The following A1CF variants were observed in gnomAD, a reference collection of about 807,000 sequenced individuals.
The protein encoded by A1CF is APOBEC-1 stimulating protein.
A1CF carries 48 observed loss-of-function variants against 68.9 expected under a neutral mutation model. The observed-to-expected ratio is 0.70, with a 90% CI of 0.55 to 0.89. The LOEUF (loss-of-function observed/expected upper bound fraction) is 0.89. Among genes scored for constraint, A1CF ranks in the 40% least tolerant of loss-of-function variants. A1CF has a pLI of 0.00. For missense variants in A1CF, 653 were observed against 718.9 expected (o/e 0.91, Z 1.05); for synonymous variants, 272 against 260.4 (o/e 1.04, Z -0.43).
At chr10:50,860,673 A>G (rs1034537990) in intron 2 of A1CF, among the ~76,000 whole-genome samples, 4 of 152,240 alleles carry the variant, frequency 2.6e-5, no homozygotes, top group African/African-American at 9.6e-5. Flanking sequence ...GAAAGTTTAC[A>G]TATGTTCACG....
In A1CF at chr10:50,806,724, C is replaced by A; in HGVS notation, c.*5G>T. 1 of 1,566,006 alleles carries A rather than the reference C, an allele frequency of 6.4e-7. No individual in the cohort carries two copies. Among genetic ancestry groups the A allele is most frequent in the Non-Finnish European group, 8.6e-7 (1 of 1,162,166 alleles). On this transcript the variant is annotated 3_prime_UTR_variant, in exon 13 of 13. Coordinates refer to ENST00000373997, the MANE Select transcript of A1CF (RefSeq NM_014576.4). ...TGTCTTATTCTTAAATTTAAAAAAG[C>A]ATCTTCAGAAGGTGCCATATCCATC...
At chr10:50,840,866 TCA>T (rs1839742311) in intron 5 of A1CF, among the ~76,000 whole-genome samples, 1 of 152,176 alleles carries the variant, frequency 6.6e-6, no homozygotes, top group African/African-American at 2.4e-5. Context: ...ACTAACAAGT[TCA>T]CAGATACTCG....
At chr10:50,837,026 G>A (rs1205733014) in intron 5 of A1CF, among the ~76,000 whole-genome samples, 1 of 152,024 alleles carries the variant, frequency 6.6e-6, no homozygotes, top group Non-Finnish European at 1.5e-5. Flanking sequence ...GCAGTCGCTT[G>A]AGTTTGCAAC....
At position 50,800,814 on chromosome 10, in the gene A1CF, C is replaced by T. The variant is rs1837569192; in HGVS notation, c.*5915G>A. ...TATATGACGTGATGTGAGGATTTTT[C>T]GTGAAGAATGGTTGATGAACAATCA... is the stretch of plus-strand genomic sequence containing the variant. On this transcript the variant is annotated 3_prime_UTR_variant, in exon 13 of 13. Coordinates refer to ENST00000373997, the MANE Select transcript of A1CF (RefSeq NM_014576.4). 1 of 151,890 alleles carries T rather than the reference C, an allele frequency of 6.6e-6. No individual in the cohort carries two copies. Among genetic ancestry groups the T allele is most frequent in the African/African-American group, 2.4e-5 (1 of 41,336 alleles). The allele number at this position is 151,890 out of a possible 1,614,324, so 9.4% of individuals were successfully genotyped here.
intron 6 of A1CF, among the ~76,000 whole-genome samples, chr10:50,832,864 T>G (rs1839314217): frequency 6.6e-6 from 1 of 151,120 alleles, no homozygotes; most frequent in Non-Finnish European, 1.5e-5. Flanking sequence ...GGTTAGGTAC[T>G]ATGTTTTTTT....
At chr10:50,848,694 TAA>T (rs1840105145) in intron 3 of A1CF, among the ~76,000 whole-genome samples, 1 of 152,188 alleles carries the variant, frequency 6.6e-6, no homozygotes, top group African/African-American at 2.4e-5. Context: ...CCCCTCTCTC[TAA>T]GAGGGAAGAA....
At chr10:50,867,029 T>C (rs866020230) in intron 1 of A1CF, among the ~76,000 whole-genome samples, 3 of 151,272 alleles carry the variant, frequency 2.0e-5, no homozygotes, top group Non-Finnish European at 2.9e-5. Context: ...TTTTTTTTTT[T>C]CTTAATGTCT....
rs145183313 is a variant in A1CF at position 50,864,679 on chromosome 10, C to T, written c.-93-599G>A. Among the ~76,000 whole-genome samples, 1,433 of 152,182 alleles carry T rather than the reference C, an allele frequency of 9.4e-3. 30 individuals are homozygous for T. Among genetic ancestry groups the T allele is most frequent in the African/African-American group, 0.033 (1,358 of 41,520 alleles). On this transcript the variant is annotated intron_variant, in intron 1 of 12. Transcript: ENST00000373997. ...TGTTGCCCAGGCTGGAGTGCAATGG[C>T]ATGATCTCAGCTCACCGCAACCTCC...
At chr10:50,884,912 C>A (rs910826056) in intron 1 of A1CF, among the ~76,000 whole-genome samples, 4 of 152,160 alleles carry the variant, frequency 2.6e-5, no homozygotes, top group African/African-American at 9.7e-5. Flanking sequence ...CACCTCAGCA[C>A]AGTTGCCCAA....
intron 6 of A1CF, 100 bp from the exon 7 acceptor site, chr10:50,828,395 G>A: frequency 2.1e-6 from 2 of 944,478 alleles, no homozygotes; most frequent in South Asian, 5.4e-5. Context: ...GACCCTTGAG[G>A]TCTTGAATGA....
chr10:50,815,865 AT>A (rs1838340213), intron 9 of A1CF, 140 bp downstream of exon 9: 1 of 969,698 alleles, frequency 1.0e-6, no homozygotes, highest in Non-Finnish European at 1.5e-6. Context: ...AAGGAAAACT[AT>A]TGATATAATA....
At chr10:50,833,706 G>C (rs1036202420) in intron 6 of A1CF, among the ~76,000 whole-genome samples, 1 of 152,186 alleles carries the variant, frequency 6.6e-6, no homozygotes, top group Non-Finnish European at 1.5e-5. Flanking sequence ...TTGTGGGTGA[G>C]TCTGCAATGG....
chr10:50,875,854 C>A (rs182861189), intron 1 of A1CF, among the ~76,000 whole-genome samples: 1 of 152,292 alleles, frequency 6.6e-6, no homozygotes, highest in East Asian at 1.9e-4. Context: ...TATTCTCCTG[C>A]CCCAAATCCT....
At chr10:50,861,968 G>C (rs753569660) in intron 2 of A1CF, among the ~76,000 whole-genome samples, 2 of 150,556 alleles carry the variant, frequency 1.3e-5, no homozygotes, top group Non-Finnish European at 3.0e-5. Context: ...TAATACTATA[G>C]TAATACTAAT....
intron 6 of A1CF, among the ~76,000 whole-genome samples, chr10:50,833,803 T>G (rs1477180934): frequency 1.3e-5 from 2 of 152,166 alleles, no homozygotes; most frequent in African/African-American, 4.8e-5. Context: ...GCTGGCTTAC[T>G]CACCACTGTG....
chr10:50,833,254 G>A (rs1022552180), intron 6 of A1CF, among the ~76,000 whole-genome samples: 6 of 152,188 alleles, frequency 3.9e-5, no homozygotes, highest in African/African-American at 7.2e-5. Flanking sequence ...CATCCTGGGA[G>A]CTTGTTGTAA....
intron 6 of A1CF, among the ~76,000 whole-genome samples, chr10:50,834,441 G>A (rs889405013): frequency 1.3e-5 from 2 of 152,146 alleles, no homozygotes; most frequent in African/African-American, 4.8e-5. Flanking sequence ...AGGAATAAAC[G>A]AGACAGACAT....
At chr10:50,833,790 C>T (rs1456121918) in intron 6 of A1CF, among the ~76,000 whole-genome samples, 2 of 152,114 alleles carry the variant, frequency 1.3e-5, no homozygotes, top group Admixed American at 6.5e-5. Context: ...GAAGTTTGCT[C>T]TGGCTGGCTT....
intron 8 of A1CF, 44 bp from the exon 9 acceptor site, chr10:50,816,323 G>T: frequency 6.3e-7 from 1 of 1,592,984 alleles, no homozygotes. Context: ...ATGATATGAA[G>T]ATAACCAAGT....
Sources: allele counts gnomAD v4.1 joint callset (sites outside exome capture counted in the v4.1 genomes callset), GRCh38; gene constraint gnomAD v4.1.1; transcripts MANE v1.5; gene names NCBI Gene and HGNC (gene_info 2026-07-23, HGNC 2026-07-21).